Variants in VPS35 observed in about 807,000 individuals in gnomAD.
VPS35 encodes vacuolar protein sorting-associated protein 35.
A neutral mutation model predicts 98.1 loss-of-function variants in VPS35; 21 were observed. The observed-to-expected ratio is 0.21, with a 90% CI of 0.15 to 0.31. The LOEUF is 0.31. Ranked by LOEUF, VPS35 falls within the 10% of genes least tolerant of loss-of-function variation. The pLI, the probability that VPS35 is intolerant of heterozygous loss-of-function variation, is 1.00. For missense variants in VPS35, 554 were observed against 950.8 expected (o/e 0.58, Z 5.49); for synonymous variants, 268 against 318.2 (o/e 0.84, Z 1.68).
intron 8 of VPS35, among the ~76,000 whole-genome samples, chr16:46,675,840 A>G (rs153259): frequency 0.99 from 149,844 of 152,098 alleles, 73,839 homozygotes; most frequent in East Asian, 1. Context: ...TGAGGCAGGC[A>G]GATCATTTGA....
intron 15 of VPS35, 164 bp downstream of exon 15, chr16:46,662,079 G>C: frequency 2.2e-6 from 3 of 1,358,754 alleles, no homozygotes; most frequent in Non-Finnish European, 3.0e-6. Context: ...CCTCAAAGCA[G>C]AGGCTTCACT....
At chr16:46,660,883 T>C in intron 16 of VPS35, 1 of 505,804 alleles carries the variant, frequency 2.0e-6, no homozygotes, top group Non-Finnish European at 3.7e-6. Context: ...CAGTGGCTCA[T>C]CCCTGTACTC....
intron 1 of VPS35, chr16:46,688,750 A>G: frequency 8.2e-7 from 1 of 1,221,480 alleles, no homozygotes; most frequent in Non-Finnish European, 1.0e-6. Flanking sequence ...TCCGAGTCTC[A>G]GGGCCTCCAC....
At chr16:46,671,955 A>G in intron 11 of VPS35, 95 bp from the exon 12 acceptor site, 5 of 1,511,990 alleles carry the variant, frequency 3.3e-6, no homozygotes, top group Non-Finnish European at 2.7e-6. Flanking sequence ...ATTACAATAC[A>G]GTATCAACAA....
intron 13 of VPS35, among the ~76,000 whole-genome samples, chr16:46,668,669 T>C (rs1966023696): frequency 6.6e-6 from 1 of 152,202 alleles, no homozygotes; most frequent in Non-Finnish European, 1.5e-5. Flanking sequence ...GGAAAGAGTT[T>C]CAGCATAAAT....
chr16:46,666,362 G>A (rs1965989291), intron 13 of VPS35, among the ~76,000 whole-genome samples: 3 of 151,058 alleles, frequency 2.0e-5, no homozygotes, highest in South Asian at 2.1e-4. Context: ...TCTGCGTCCC[G>A]GGTTCAAGTG....
At chr16:46,680,001 G>A (rs1032192477) in intron 5 of VPS35, among the ~76,000 whole-genome samples, 1 of 151,900 alleles carries the variant, frequency 6.6e-6, no homozygotes, top group Admixed American at 6.6e-5. Flanking sequence ...ATTAAAAAAA[G>A]AAAGAAAATA....
At chr16:46,688,417 G>A (rs1596729322) in intron 1 of VPS35, 4 of 987,136 alleles carry the variant, frequency 4.1e-6, no homozygotes, top group Non-Finnish European at 4.8e-6. Context: ...GCCCTAAGGA[G>A]AAGTACTGCT....
intron 5 of VPS35, 23 bp downstream of exon 5, chr16:46,680,648 A>T (rs1226029690): frequency 6.2e-7 from 1 of 1,611,024 alleles, no homozygotes; most frequent in African/African-American, 1.3e-5. Context: ...ATTGCAACAA[A>T]ATTAAGAAAG....
intron 12 of VPS35, 49 bp downstream of exon 12, chr16:46,671,656 T>G (rs1457085361): frequency 6.2e-7 from 1 of 1,611,730 alleles, no homozygotes; most frequent in Admixed American, 1.7e-5. Context: ...CTTGAACATG[T>G]GATTTCACTA....
chr16:46,678,718 T>C (rs1233297636), intron 6 of VPS35, among the ~76,000 whole-genome samples: 1 of 152,238 alleles, frequency 6.6e-6, no homozygotes, highest in Non-Finnish European at 1.5e-5. Context: ...TTGACTGAGA[T>C]TACATTGGAT....
chr16:46,662,389 A>G lies in VPS35; in HGVS notation c.1921T>C (p.Phe641Leu). 6.2e-7 allele frequency: 1 copy of G among 1,614,196 alleles called. No individual in the cohort carries two copies. The highest frequency in any genetic ancestry group is 8.5e-7 in the Non-Finnish European group (1 of 1,180,022). ...IIGTFERMKC[F>L]SEENHEPLRT... The stretch of plus-strand genomic sequence containing the variant: ...AGAGGTTCGTGATTCTCTTCACTGA[A>G]GCACTTCATCCTTTCAAAAGTGCCA... The change falls in exon 15 of 17, where the codon TTC (phenylalanine) becomes CTC (leucine). Residue 641 changes from phenylalanine to leucine, a missense_variant. By Grantham distance (22) the Phe-to-Leu change is conservative (BLOSUM62 0). This residue lies in a region of VPS35 where 153 missense variants were observed against 211.0 expected (regional missense o/e 0.73). Transcript: ENST00000299138.
At position 46,671,695 on chromosome 16, in the gene VPS35, A is replaced by G. The variant is rs370652451; in HGVS notation, c.1524+10T>C. The G allele has an allele frequency of 6.2e-7, 1 of 1,614,002 alleles. No homozygotes were observed. The highest frequency in any genetic ancestry group is 8.5e-7 in the Non-Finnish European group (1 of 1,179,964). ...GCTGATACAGGGATATACTAAGGGTAAACTCATACCAAGTACTGCTGGTCA... is the reference window on the plus strand; with the variant it reads ...GCTGATACAGGGATATACTAAGGGTGAACTCATACCAAGTACTGCTGGTCA... On this transcript the variant is annotated intron_variant, in intron 12 of 16. Transcript: ENST00000299138.
chr16:46,667,985 C>T (rs1241783546), intron 13 of VPS35, among the ~76,000 whole-genome samples: 2 of 152,138 alleles, frequency 1.3e-5, no homozygotes, highest in African/African-American at 4.8e-5. Context: ...AATTCCTATC[C>T]ATAAACGCTG....
At chr16:46,678,244 G>A (rs1966180058) in intron 6 of VPS35, among the ~76,000 whole-genome samples, 1 of 148,092 alleles carries the variant, frequency 6.8e-6, no homozygotes, top group Non-Finnish European at 1.5e-5. Flanking sequence ...CAATCTTTTG[G>A]CTTGAAGAAG....
chr16:46,677,861 G>A (rs565667349), intron 6 of VPS35, among the ~76,000 whole-genome samples: 1 of 152,094 alleles, frequency 6.6e-6, no homozygotes, highest in Non-Finnish European at 1.5e-5. Context: ...CTAATCCTAG[G>A]TCATAAAGAT....
rs77476733 is a variant in VPS35 at position 46,662,878 on chromosome 16, T to C, written c.1827+105A>G. 4.9e-4 allele frequency: 623 copies of C among 1,279,660 alleles called. 14 individuals are homozygous for C. In the East Asian group the frequency reaches 0.014, roughly 29 times the overall value. 79.3% of individuals were successfully genotyped at this position (1,279,660 alleles called of 1,614,324 possible). On this transcript the variant is annotated intron_variant, in intron 14 of 16. Transcript: ENST00000299138. ...ATGGTGGGAAGGTGGTAGTTACACA[T>C]TCAGTAAAAGAAGAGTAAATTCATG...
intron 13 of VPS35, among the ~76,000 whole-genome samples, chr16:46,668,225 T>C (rs376220531): frequency 6.6e-6 from 1 of 152,038 alleles, no homozygotes; most frequent in Non-Finnish European, 1.5e-5. Context: ...CAAGACCCTG[T>C]CTCTACTAAA....
intron 13 of VPS35, among the ~76,000 whole-genome samples, chr16:46,667,029 T>C (rs975705766): frequency 1.3e-5 from 2 of 152,226 alleles, no homozygotes; most frequent in African/African-American, 4.8e-5. Flanking sequence ...TTTCAGTTTT[T>C]TGAGGAACCT....
Sources: gnomAD v4.1 joint callset for allele counts (sites outside exome capture counted in the v4.1 genomes callset) on GRCh38, gnomAD v4.1.1 for gene constraint, gnomAD v4.1.1 regional missense constraint, MANE v1.5 for transcripts, NCBI Gene and HGNC (gene_info 2026-07-23, HGNC 2026-07-21) for gene names.